TRPC6: variants seen among roughly 807,000 people sequenced by gnomAD.
TRPC6 encodes the protein short transient receptor potential channel 6.
In TRPC6, 55 loss-of-function variants were observed where a neutral mutation model predicts 90.7. The observed-to-expected ratio is 0.61, with a 90% confidence interval of 0.49 to 0.76. The LOEUF (loss-of-function observed/expected upper bound fraction) is 0.76, where lower values mean the gene tolerates loss of function less well. Ranked by LOEUF, TRPC6 falls within the 30% of genes least tolerant of loss-of-function variation. TRPC6 has a pLI of 0.00. For synonymous variants in TRPC6, 393 were observed against 393.0 expected (o/e 1.00, Z 0.00); for missense variants, 989 against 1,122.7 (o/e 0.88, Z 1.70).
At chr11:101,515,117 T>G (rs1460384925) in intron 1 of TRPC6, among the ~76,000 whole-genome samples, 1 of 152,238 alleles carries the variant, frequency 6.6e-6, no homozygotes, top group Non-Finnish European at 1.5e-5. Context: ...ATGCCTCATC[T>G]GTCATGGACT....
At chr11:101,470,382 C>T (rs1043329321) in intron 9 of TRPC6, among the ~76,000 whole-genome samples, 3 of 152,126 alleles carry the variant, frequency 2.0e-5, no homozygotes, top group Non-Finnish European at 4.4e-5. Flanking sequence ...TCAGAAGAAA[C>T]AGCCAGCTCC....
chr11:101,558,460 TACACACACACACACACACAC>T lies in TRPC6; in HGVS notation c.170+24854_170+24873del, dbSNP rs71056630. 5.9e-5 allele frequency among the ~76,000 whole-genome samples: 3 copies of T among 50,446 alleles called. 1 individual carries two copies. The highest frequency in any genetic ancestry group is 1.1e-4 in the Non-Finnish European group (3 of 28,068). The allele number at this position is 50,446 out of a possible 152,430, so 33.1% of individuals were successfully genotyped here. On this transcript the variant is annotated intron_variant, in intron 1 of 12. Coordinates refer to ENST00000344327, the MANE Select transcript of TRPC6 (RefSeq NM_004621.6). Reference sequence around the variant, plus strand: ...ATACATATATATACACACGCACACATACACACACACACACACACACACACACACACACACACATATACTAA... The same window carrying T: ...ATACATATATATACACACGCACACATACACACACACACACACATATACTAA...
At chr11:101,571,659 T>A (rs1326230628) in intron 1 of TRPC6, among the ~76,000 whole-genome samples, 1 of 152,142 alleles carries the variant, frequency 6.6e-6, no homozygotes, top group African/African-American at 2.4e-5. Flanking sequence ...ATGGTACTGG[T>A]ACCAAAACAG....
chr11:101,540,380 T>C (rs1432112594), intron 1 of TRPC6, among the ~76,000 whole-genome samples: 1 of 152,256 alleles, frequency 6.6e-6, no homozygotes, highest in Non-Finnish European at 1.5e-5. Flanking sequence ...TTCTGATATT[T>C]TAATTTTTCT....
chr11:101,550,746 T>C (rs1861431576), intron 1 of TRPC6, among the ~76,000 whole-genome samples: 2 of 151,752 alleles, frequency 1.3e-5, no homozygotes, highest in Admixed American at 1.3e-4. Flanking sequence ...ATGGAGAGTA[T>C]GTGGTATAAC....
At position 101,476,393 on chromosome 11, in the gene TRPC6, G is replaced by A; in HGVS notation, c.1652C>T (p.Ala551Val). The A allele has an allele frequency of 1.2e-6, 2 of 1,614,106 alleles. No individual in the cohort carries two copies. The highest frequency in any genetic ancestry group is 1.7e-6 in the Non-Finnish European group (2 of 1,180,000). The change falls in exon 6 of 13, where the codon GCT (alanine) becomes GTT (valine). Residue 551 changes from alanine (A) to valine (V), a missense_variant. Physicochemically the swap from Ala to Val is moderately conservative, Grantham distance 64 (BLOSUM62 0). This residue lies in a region of TRPC6 where 486 missense variants were observed against 591.9 expected (regional missense o/e 0.82). Transcript: ENST00000344327. ...GTCAATGATGCTCTGGGCTTTGGAA[G>A]CATGCCAAAATGCCATGAATCTCGC... ...FIARFMAFWH[A>V]SKAQSIIDAN... is the part of the protein sequence containing the mutation.
intron 5 of TRPC6, among the ~76,000 whole-genome samples, chr11:101,479,786 A>G (rs183574820): frequency 6.6e-6 from 1 of 152,310 alleles, no homozygotes; most frequent in Admixed American, 6.5e-5. Flanking sequence ...GTGGGACAAA[A>G]GTTACAAGGA....
chr11:101,466,382 C>A (rs1859146570), intron 10 of TRPC6, among the ~76,000 whole-genome samples: 1 of 152,224 alleles, frequency 6.6e-6, no homozygotes, highest in Non-Finnish European at 1.5e-5. Flanking sequence ...GGGGCTACTG[C>A]CTTTCTTTCA....
chr11:101,557,227 T>C (rs1282185594), intron 1 of TRPC6, among the ~76,000 whole-genome samples: 1 of 152,012 alleles, frequency 6.6e-6, no homozygotes, highest in Non-Finnish European at 1.5e-5. Flanking sequence ...TGGTGGCACA[T>C]GCCTGTAATC....
chr11:101,467,741 C>CTTCT (rs980592307), intron 10 of TRPC6, among the ~76,000 whole-genome samples: 117 of 152,194 alleles, frequency 7.7e-4, no homozygotes, highest in African/African-American at 2.7e-3. Context: ...CTCACATATC[C>CTTCT]TTATTTTTTT....
chr11:101,515,482 C>T (rs111350398), intron 1 of TRPC6, among the ~76,000 whole-genome samples: 10 of 152,270 alleles, frequency 6.6e-5, no homozygotes, highest in African/African-American at 2.4e-4. Context: ...TAAACCTGAA[C>T]TTATCATTGA....
chr11:101,458,229 G>A (rs1465889834), intron 10 of TRPC6, among the ~76,000 whole-genome samples: 6 of 152,106 alleles, frequency 3.9e-5, no homozygotes, highest in Admixed American at 3.9e-4. Context: ...TTGAACTCCG[G>A]TAAGTCTGGG....
intron 2 of TRPC6, among the ~76,000 whole-genome samples, chr11:101,496,474 A>C (rs1371302943): frequency 2.0e-5 from 3 of 152,180 alleles, no homozygotes; most frequent in Non-Finnish European, 4.4e-5. Context: ...ATAAAAGTTA[A>C]TCGGCACTAT....
At chr11:101,477,168 C>G (rs1451477332) in intron 5 of TRPC6, among the ~76,000 whole-genome samples, 1 of 150,998 alleles carries the variant, frequency 6.6e-6, no homozygotes, top group Non-Finnish European at 1.5e-5. Context: ...GCCAACCTTT[C>G]CTTAGACTGT....
intron 2 of TRPC6, among the ~76,000 whole-genome samples, chr11:101,503,306 C>T (rs1242485429): frequency 1.3e-5 from 2 of 152,262 alleles, no homozygotes; most frequent in Admixed American, 6.5e-5. Context: ...CCTACTATTT[C>T]ATATCTATCA....
Position 101,473,628 on chromosome 11 carries a change from T to C in TRPC6, c.1890A>G (p.Thr630=), listed in dbSNP as rs1484355220. 1.9e-6 allele frequency: 3 copies of C among 1,613,856 alleles called. No homozygotes were observed. The Admixed American group carries it at 5.0e-5, about 27-fold the overall frequency. Residue 630 remains threonine (T), a synonymous_variant, in exon 7 of 13, where the codon ACA becomes ACG. Coordinates refer to ENST00000344327, the MANE Select transcript of TRPC6 (RefSeq NM_004621.6). ...FGPLQISLGR[T]VKDIFKFMVI... ...CCATGAACTTGAAGATGTCTTTGAC[T>C]GTTCTTCCAAGTGATATCTGCAGAG... is the stretch of plus-strand genomic sequence containing the variant.
intron 10 of TRPC6, among the ~76,000 whole-genome samples, chr11:101,459,935 T>A (rs1043836764): frequency 8.5e-5 from 13 of 152,216 alleles, no homozygotes; most frequent in African/African-American, 3.1e-4. Context: ...GCTTGTGTGA[T>A]GGGTTGTACA....
At position 101,464,760 on chromosome 11, in the gene TRPC6, G is replaced by A. The variant is rs1290946119; in HGVS notation, c.2484+4667C>T. On this transcript the variant is annotated intron_variant, in intron 10 of 12. Transcript: ENST00000344327. ...CTCTTTAGCCAATATGCCAGTCTGT[G>A]TCTTTTAATTGGGGCATTTAGCCTG... 3.9e-5 allele frequency among the ~76,000 whole-genome samples: 6 copies of A among 152,128 alleles called. No individual in the cohort carries two copies. In the East Asian group the frequency reaches 1.2e-3, roughly 29 times the overall value.
At chr11:101,528,436 C>T (rs1285349049) in intron 1 of TRPC6, among the ~76,000 whole-genome samples, 1 of 152,082 alleles carries the variant, frequency 6.6e-6, no homozygotes, top group East Asian at 1.9e-4. Context: ...TTAATATATA[C>T]AATATGATCT....
Sources: allele counts gnomAD v4.1 joint callset (sites outside exome capture counted in the v4.1 genomes callset), GRCh38; gene constraint gnomAD v4.1.1; regional missense constraint gnomAD v4.1.1; transcripts MANE v1.5; gene names NCBI Gene and HGNC (gene_info 2026-07-23, HGNC 2026-07-21).